Variants in NXPE2 observed in about 807,000 individuals in gnomAD.
The protein encoded by NXPE2 is NXPE family member 2.
In NXPE2, 34 loss-of-function variants were observed where a neutral mutation model predicts 34.4. The ratio of observed to expected loss-of-function variants is 0.99; its 90% confidence interval spans 0.75 to 1.31. The LOEUF is 1.31. Among genes scored for constraint, NXPE2 ranks in the 40% most tolerant of loss-of-function variants. The pLI, the probability that NXPE2 is intolerant of heterozygous loss-of-function variation, is 0.00. For synonymous variants in NXPE2, 235 were observed against 231.3 expected (o/e 1.02, Z -0.15); for missense variants, 649 against 672.5 (o/e 0.97, Z 0.39).
chr11:114,545,240 A>AT, the NXPE2 span, among the ~76,000 whole-genome samples: 1 of 152,228 alleles, frequency 6.6e-6, no homozygotes, highest in African/African-American at 2.4e-5. Flanking sequence ...TTGAATGCTT[A>AT]TGTCCACACA....
chr11:114,784,681 A>AT, the NXPE2 span, among the ~76,000 whole-genome samples: 1 of 152,146 alleles, frequency 6.6e-6, no homozygotes, highest in Non-Finnish European at 1.5e-5. Flanking sequence ...AGGGGGGAAA[A>AT]AAAGCTCTCT....
the NXPE2 span, among the ~76,000 whole-genome samples, chr11:114,516,029 T>G: frequency 6.6e-6 from 1 of 152,188 alleles, no homozygotes; most frequent in African/African-American, 2.4e-5. Flanking sequence ...TTTTACAGAT[T>G]AGGCAATTAA....
chr11:114,627,667 C>T, the NXPE2 span, among the ~76,000 whole-genome samples: 1 of 151,610 alleles, frequency 6.6e-6, no homozygotes, highest in East Asian at 1.9e-4. Context: ...TCACACATAA[C>T]AATATTAACT....
the NXPE2 span, among the ~76,000 whole-genome samples, chr11:114,567,109 G>A: frequency 6.6e-6 from 1 of 152,144 alleles, no homozygotes; most frequent in African/African-American, 2.4e-5. Flanking sequence ...ACATCCAGTA[G>A]GGCTCTTCCC....
At chr11:114,791,783 G>T in the NXPE2 span, among the ~76,000 whole-genome samples, 1,688 of 152,230 alleles carry the variant, frequency 0.011, 28 homozygotes, top group African/African-American at 0.038. Context: ...GATGTCAGGC[G>T]CGGTGGCTCA....
chr11:114,495,893 A>C, the NXPE2 span, among the ~76,000 whole-genome samples: 30 of 152,214 alleles, frequency 2.0e-4, no homozygotes, highest in Admixed American at 1.5e-3. Flanking sequence ...TTGCAAGACA[A>C]AGTCCTCTTT....
chr11:114,760,664 C>T, the NXPE2 span, among the ~76,000 whole-genome samples: 103 of 152,244 alleles, frequency 6.8e-4, no homozygotes, highest in African/African-American at 2.4e-3. Flanking sequence ...GGATTCTTGG[C>T]ACCAGCACCT....
the NXPE2 span, among the ~76,000 whole-genome samples, chr11:114,477,549 G>T: frequency 1.2e-4 from 18 of 152,044 alleles, no homozygotes; most frequent in Non-Finnish European, 2.5e-4. Context: ...AAAAAGGAAA[G>T]AATACTCAAT....
At chr11:114,498,666 G>A in the NXPE2 span, among the ~76,000 whole-genome samples, 2 of 151,854 alleles carry the variant, frequency 1.3e-5, no homozygotes, top group Admixed American at 6.6e-5. Context: ...TTTTCAGGCA[G>A]CTTTTGTATT....
chr11:114,591,407 G>T, the NXPE2 span, among the ~76,000 whole-genome samples: 6 of 152,138 alleles, frequency 3.9e-5, no homozygotes, highest in Non-Finnish European at 5.9e-5. Flanking sequence ...TTCCTTCCAT[G>T]AGAGGTAGCA....
the NXPE2 span, among the ~76,000 whole-genome samples, chr11:114,464,576 T>C: frequency 4.6e-5 from 7 of 152,126 alleles, no homozygotes; most frequent in African/African-American, 7.2e-5. Context: ...CCAGCAGATA[T>C]CAGTTAAAAA....
At chr11:114,754,623 C>T in the NXPE2 span, among the ~76,000 whole-genome samples, 1 of 152,122 alleles carries the variant, frequency 6.6e-6, no homozygotes, top group Admixed American at 6.6e-5. Flanking sequence ...AGAGAAGGTC[C>T]CACTCAGAGG....
At chr11:114,644,378 A>T in the NXPE2 span, among the ~76,000 whole-genome samples, 1 of 152,126 alleles carries the variant, frequency 6.6e-6, no homozygotes, top group Non-Finnish European at 1.5e-5. Context: ...TCAGTATGAT[A>T]TTGGCTGTGG....
At chr11:114,471,423 A>G in the NXPE2 span, among the ~76,000 whole-genome samples, 7 of 152,222 alleles carry the variant, frequency 4.6e-5, no homozygotes, top group African/African-American at 1.4e-4. Flanking sequence ...AAAAACACAT[A>G]TAAGTGTATA....
In NXPE2 at chr11:114,698,366, G is replaced by A. The variant is rs1591439986; in HGVS notation, c.454G>A (p.Ala152Thr). 1.9e-6 allele frequency: 3 copies of A among 1,613,986 alleles called. No individual in the cohort carries two copies. Among genetic ancestry groups the A allele is most frequent in the South Asian group, 1.1e-5 (1 of 91,040 alleles). Residue 152 changes from alanine (A) to threonine (T), a missense_variant, in exon 3 of 6, where the codon GCC becomes ACC. Coordinates refer to ENST00000389586, the MANE Select transcript of NXPE2 (RefSeq NM_182495.6). ...GCAATATGGTGGGGATTTCCTGAGG[G>A]CCAGGATGTACTCCACAGCACTAAT... The part of the protein sequence containing the change: ...RKQYGGDFLR[A>T]RMYSTALMAG...
the NXPE2 span, among the ~76,000 whole-genome samples, chr11:114,812,057 C>T: frequency 2.6e-5 from 4 of 152,182 alleles, no homozygotes; most frequent in East Asian, 1.9e-4. Context: ...AAGGACACAA[C>T]GAAAGAAGCA....
At chr11:114,657,517 C>G in the NXPE2 span, among the ~76,000 whole-genome samples, 2 of 152,100 alleles carry the variant, frequency 1.3e-5, no homozygotes, top group East Asian at 3.8e-4. Context: ...GCCACTTACT[C>G]TTACCACTAC....
chr11:114,670,733 A>G, the NXPE2 span, among the ~76,000 whole-genome samples: 1 of 151,864 alleles, frequency 6.6e-6, no homozygotes, highest in East Asian at 1.9e-4. Context: ...AACAACAACA[A>G]CATCAAGTTC....
At chr11:114,522,829 T>G in the NXPE2 span, 1 of 1,357,210 alleles carries the variant, frequency 7.4e-7, no homozygotes, top group Non-Finnish European at 1.1e-6. Context: ...TCATTAAAAG[T>G]ACTTTAAAAC....
Sources: gnomAD v4.1 joint callset for allele counts (sites outside exome capture counted in the v4.1 genomes callset) on GRCh38, gnomAD v4.1.1 for gene constraint, MANE v1.5 for transcripts, NCBI Gene and HGNC (gene_info 2026-07-23, HGNC 2026-07-21) for gene names.